The following RBFOX1 variants were observed in gnomAD, a reference collection of about 807,000 sequenced individuals.
RBFOX1 encodes RNA binding fox-1 homolog 1, also known as RNA binding protein fox-1 homolog 1.
A neutral mutation model predicts 57.7 loss-of-function variants in RBFOX1; 8 were observed. The observed-to-expected ratio is 0.14, with a 90% CI of 0.08 to 0.25. The LOEUF (loss-of-function observed/expected upper bound fraction) is 0.25, where lower values mean the gene tolerates loss of function less well. Among genes scored for constraint, RBFOX1 ranks in the 10% least tolerant of loss-of-function variants. RBFOX1 has a pLI of 1.00. For synonymous variants in RBFOX1, 326 were observed against 222.4 expected (o/e 1.47, Z -4.15); for missense variants, 611 against 548.5 (o/e 1.11, Z -1.14).
At chr16:5,440,915 C>G (rs1207810291) in intron 1 of RBFOX1, among the ~76,000 whole-genome samples, 2 of 152,180 alleles carry the variant, frequency 1.3e-5, no homozygotes, top group Non-Finnish European at 2.9e-5. Context: ...AGGTCACGCA[C>G]CTGGTTAGAA....
rs544794486 is a variant in RBFOX1, at chr16:6,891,165, C to G, written c.-15-160892C>G. Among the ~76,000 whole-genome samples, 11 of 152,280 alleles carry G rather than the reference C, an allele frequency of 7.2e-5. No homozygotes were observed. The South Asian group carries it at 1.2e-3, about 17-fold the overall frequency. On this transcript the variant is annotated intron_variant, in intron 3 of 15. Transcript: ENST00000550418. ...TACTCATGTCTTCCATTACAGGTGC[C>G]AATGCATCCATTTTTATTATCAGTA...
At chr16:5,614,126 A>G (rs887250) in intron 3 of RBFOX1, among the ~76,000 whole-genome samples, 23,322 of 152,076 alleles carry the variant, frequency 0.15, 2,479 homozygotes, top group East Asian at 0.47. Flanking sequence ...ATTCTGTCTT[A>G]GACTCCCTCT....
intron 1 of RBFOX1, among the ~76,000 whole-genome samples, chr16:6,082,160 C>T (rs1384487247): frequency 2.1e-5 from 3 of 145,336 alleles, no homozygotes; most frequent in East Asian, 2.0e-4. Flanking sequence ...TTGTTGGTCA[C>T]TTACCAATAC....
intron 4 of RBFOX1, among the ~76,000 whole-genome samples, chr16:7,169,711 C>G (rs1223476595): frequency 2.6e-5 from 4 of 152,166 alleles, no homozygotes; most frequent in Non-Finnish European, 5.9e-5. Flanking sequence ...TATTTTGTTG[C>G]ATATGATGAT....
At chr16:6,272,172 C>G (rs1290762321) in intron 1 of RBFOX1, among the ~76,000 whole-genome samples, 1 of 152,100 alleles carries the variant, frequency 6.6e-6, no homozygotes, top group Non-Finnish European at 1.5e-5. Context: ...ATCTACCCTA[C>G]CAATAGGCTG....
intron 3 of RBFOX1, among the ~76,000 whole-genome samples, chr16:7,028,980 C>G (rs541370282): frequency 7.0e-6 from 1 of 143,574 alleles, no homozygotes; most frequent in Non-Finnish European, 1.5e-5. Flanking sequence ...GTTTGGAAGA[C>G]CAATCTCCAG....
At position 7,123,367 on chromosome 16, in the gene RBFOX1, T is replaced by G. The variant is rs141267829; in HGVS notation, c.27+71269T>G. On this transcript the variant is annotated intron_variant, in intron 4 of 15. Transcript: ENST00000550418. ...GTAGAATTACCATTGTTATTATTAT[T>G]TATTTATTATTTTTTGAGACAGCGG... Among the ~76,000 whole-genome samples, 336 of 152,144 alleles carry G rather than the reference T, an allele frequency of 2.2e-3. 1 individual carries two copies. Among genetic ancestry groups the G allele is most frequent in the African/African-American group, 7.7e-3 (318 of 41,526 alleles).
intron 3 of RBFOX1, among the ~76,000 whole-genome samples, chr16:6,771,419 C>T (rs548805891): frequency 6.6e-6 from 1 of 152,110 alleles, no homozygotes; most frequent in Non-Finnish European, 1.5e-5. Context: ...CAAGCTAATA[C>T]ACTTCTGCTC....
chr16:5,801,087 G>A (rs534500197), intron 3 of RBFOX1, among the ~76,000 whole-genome samples: 59 of 152,198 alleles, frequency 3.9e-4, no homozygotes, highest in African/African-American at 1.4e-3. Flanking sequence ...AATAGGCCCC[G>A]CCCAGAGTGT....
intron 1 of RBFOX1, among the ~76,000 whole-genome samples, chr16:6,128,987 A>T (rs188402304): frequency 3.9e-5 from 6 of 152,348 alleles, no homozygotes; most frequent in Admixed American, 3.9e-4. Flanking sequence ...AACCTAGCAC[A>T]ACAGGATCAA....
intron 10 of RBFOX1, among the ~76,000 whole-genome samples, chr16:7,619,817 G>A (rs540612839): frequency 1.2e-4 from 18 of 152,158 alleles, no homozygotes; most frequent in Admixed American, 9.8e-4. Context: ...TTAGGAACAA[G>A]CTATGACATA....
intron 4 of RBFOX1, among the ~76,000 whole-genome samples, chr16:7,481,570 AG>A (rs1451536660): frequency 1.3e-5 from 2 of 152,188 alleles, no homozygotes; most frequent in Non-Finnish European, 2.9e-5. Flanking sequence ...CAGATGACTA[AG>A]GGCTATTAAA....
intron 3 of RBFOX1, among the ~76,000 whole-genome samples, chr16:6,878,697 G>A (rs1037376495): frequency 6.6e-6 from 1 of 152,132 alleles, no homozygotes; most frequent in African/African-American, 2.4e-5. Context: ...GAAACAGAAA[G>A]TAACAGAAAT....
chr16:5,615,773 A>G (rs139436167), intron 3 of RBFOX1, among the ~76,000 whole-genome samples: 1 of 152,322 alleles, frequency 6.6e-6, no homozygotes, highest in Non-Finnish European at 1.5e-5. Flanking sequence ...ACCCCAGATG[A>G]TGAGTGCCTA....
At chr16:6,913,186 G>A (rs1180530445) in intron 3 of RBFOX1, among the ~76,000 whole-genome samples, 1 of 152,000 alleles carries the variant, frequency 6.6e-6, no homozygotes, top group Non-Finnish European at 1.5e-5. Flanking sequence ...TGGGTTACTT[G>A]AAAAACATTT....
intron 2 of RBFOX1, among the ~76,000 whole-genome samples, chr16:5,559,290 T>C (rs2045801112): frequency 6.6e-6 from 1 of 152,132 alleles, no homozygotes; most frequent in Non-Finnish European, 1.5e-5. Context: ...GGTTTGTATA[T>C]TTTTTGATTT....
intron 3 of RBFOX1, among the ~76,000 whole-genome samples, chr16:6,767,705 G>A (rs955885482): frequency 6.6e-6 from 1 of 151,840 alleles, no homozygotes; most frequent in African/African-American, 2.4e-5. Flanking sequence ...CACGAGATCA[G>A]GAGTTCGAGA....
intron 4 of RBFOX1, among the ~76,000 whole-genome samples, chr16:7,435,062 C>G (rs983744389): frequency 6.6e-6 from 1 of 152,166 alleles, no homozygotes; most frequent in African/African-American, 2.4e-5. Flanking sequence ...TTTATCACAA[C>G]TAATGAACCA....
At chr16:7,066,154 A>G (rs2055971464) in intron 4 of RBFOX1, among the ~76,000 whole-genome samples, 1 of 152,384 alleles carries the variant, frequency 6.6e-6, no homozygotes, top group Middle Eastern at 3.4e-3. Flanking sequence ...AGCAATGCAC[A>G]TATTAGTCCA....
Sources: allele counts gnomAD v4.1 joint callset (sites outside exome capture counted in the v4.1 genomes callset), GRCh38; gene constraint gnomAD v4.1.1; transcripts MANE v1.5; gene names NCBI Gene and HGNC (gene_info 2026-07-23, HGNC 2026-07-21).